CIT: variants seen among roughly 807,000 people sequenced by gnomAD.
The protein encoded by CIT is citron Rho-interacting kinase.
CIT carries 79 observed loss-of-function variants against 272.7 expected under a neutral mutation model. The ratio of observed to expected loss-of-function variants is 0.29; its 90% CI spans 0.24 to 0.35. The LOEUF is 0.35. CIT is among the 10% of genes least tolerant of loss of function. CIT has a pLI of 1.00. For synonymous variants in CIT, 948 were observed against 995.6 expected (o/e 0.95, Z 0.90); for missense variants, 1,909 against 2,618.3 (o/e 0.73, Z 5.91).
intron 18 of CIT, 93 bp from the exon 19 acceptor site, chr12:119,767,275 G>A (rs1046767570): frequency 1.1e-6 from 1 of 941,162 alleles, no homozygotes; most frequent in African/African-American, 1.6e-5. Flanking sequence ...TTTGGTACAG[G>A]TACCACAGGT....
intron 9 of CIT, among the ~76,000 whole-genome samples, chr12:119,809,509 T>A (rs1966781304): frequency 6.6e-6 from 1 of 152,204 alleles, no homozygotes; most frequent in African/African-American, 2.4e-5. Flanking sequence ...CTTGTTACAA[T>A]CTTTTGTTAT....
At chr12:119,733,589 C>G (rs1214471682) in intron 26 of CIT, among the ~76,000 whole-genome samples, 2 of 151,416 alleles carry the variant, frequency 1.3e-5, no homozygotes, top group Non-Finnish European at 2.9e-5. Flanking sequence ...TGGTTCTCAA[C>G]TGGGGACAAT....
chr12:119,862,677 G>A (rs1251365665), intron 3 of CIT, among the ~76,000 whole-genome samples: 1 of 151,124 alleles, frequency 6.6e-6, no homozygotes, highest in Non-Finnish European at 1.5e-5. Context: ...AGGCGTGGTG[G>A]CAGGCACCTA....
In CIT at chr12:119,804,451, T is replaced by G; in HGVS notation, c.1112-1062A>C. 1 of 985,966 alleles carries G rather than the reference T, an allele frequency of 1.0e-6. No homozygotes were observed. The highest frequency in any genetic ancestry group is 1.2e-6 in the Non-Finnish European group (1 of 830,350). 61.1% of individuals were successfully genotyped at this position (985,966 alleles called of 1,614,324 possible). A position where few individuals can be genotyped will look rare whatever the true frequency, so the allele number is the denominator to read the frequency against. The stretch of plus-strand genomic sequence containing the variant: ...TGCGTGCTCTGGCTGGAACCCCACC[T>G]GGCTGCCGCCTGCCTGCCAGGGGCC... On this transcript the variant is annotated intron_variant, in intron 9 of 47. Coordinates refer to ENST00000392521, the MANE Select transcript of CIT (RefSeq NM_001206999.2). This position sits in a 1 kb window ranked among gnomAD's most constrained non-coding sequence, Gnocchi z 5.3.
In CIT at chr12:119,690,243, T is replaced by C; in HGVS notation, c.6094A>G (p.Arg2032Gly). Residue 2032 changes from arginine to glycine, a missense_variant, in exon 47 of 48, where the codon AGA becomes GGA. Around this residue, in one of 8 missense-constraint regions of CIT, gnomAD observed 780 missense variants for 1,067.2 expected, o/e 0.73. Coordinates refer to ENST00000392521, the MANE Select transcript of CIT (RefSeq NM_001206999.2). This position sits in a 1 kb window ranked among gnomAD's most constrained non-coding sequence, Gnocchi z 6.0. ...KSPGRMLSTR[R>G]ERSPGRLFED... ...AACAGCCTCCCGGGGGACCGCTCTC[T>C]CCGCGTGCTGAGCATCCGGCCGGGG... The C allele has an allele frequency of 5.1e-6, 8 of 1,563,436 alleles. No individual in the cohort carries two copies. Among genetic ancestry groups the C allele is most frequent in the Non-Finnish European group, 6.9e-6 (8 of 1,165,798 alleles).
At chr12:119,854,950 CTAAATAAA>C (rs58538833) in intron 4 of CIT, among the ~76,000 whole-genome samples, 1 of 151,706 alleles carries the variant, frequency 6.6e-6, no homozygotes, top group African/African-American at 2.4e-5. Flanking sequence ...GACTCATTCT[CTAAATAAA>C]TAAATAAATA....
At position 119,717,834 on chromosome 12, in the gene CIT, C is replaced by CTTTTTTTTTTTTTTT. The variant is rs546520444; in HGVS notation, c.4168+410_4168+411insAAAAAAAAAAAAAAA. On this transcript the variant is annotated intron_variant, in intron 32 of 47. Coordinates refer to ENST00000392521, the MANE Select transcript of CIT (RefSeq NM_001206999.2). ...GGATGGGGAGCCAGGAGACTGACTT[C>CTTTTTTTTTTTTTTT]TTTCTTTTTTTTTTTTTTTTTTTTG... is the stretch of plus-strand genomic sequence containing the variant. Among the ~76,000 whole-genome samples the CTTTTTTTTTTTTTTT allele has an allele frequency of 2.4e-3, 169 of 70,182 alleles. 5 individuals carry two copies. The highest frequency in any genetic ancestry group is 7.8e-3 in the African/African-American group (157 of 20,054). 46.0% of individuals were successfully genotyped at this position (70,182 alleles called of 152,430 possible). A position where few individuals can be genotyped will look rare whatever the true frequency, so the allele number is the denominator to read the frequency against.
chr12:119,850,740 G>A (rs1010203464), intron 4 of CIT, among the ~76,000 whole-genome samples: 2 of 152,036 alleles, frequency 1.3e-5, no homozygotes, highest in African/African-American at 2.4e-5. Flanking sequence ...AAGCATCCAC[G>A]CTAGTTATGA....
At chr12:119,747,867 T>C (rs1565982143) in intron 23 of CIT, among the ~76,000 whole-genome samples, 1 of 152,120 alleles carries the variant, frequency 6.6e-6, no homozygotes, top group African/African-American at 2.4e-5. Context: ...AGTATTGTTA[T>C]GAAAACAGTC....
At position 119,712,666 on chromosome 12, in the gene CIT, G is replaced by C; in HGVS notation, c.4609C>G (p.Leu1537Val). 6.2e-7 allele frequency: 1 copy of C among 1,614,158 alleles called. No individual in the cohort carries two copies. Among genetic ancestry groups the C allele is most frequent in the Non-Finnish European group, 8.5e-7 (1 of 1,180,016 alleles). Residue 1537 changes from leucine to valine, a missense_variant, in exon 36 of 48, where the codon CTG becomes GTG. This residue lies in a region of CIT where 780 missense variants were observed against 1,067.2 expected (regional missense o/e 0.73). Transcript: ENST00000392521. This position sits in a 1 kb window ranked among gnomAD's most constrained non-coding sequence, Gnocchi z 5.2. ...GATACATCCCCGTCGGGAAGGCACA[G>C]CTCAAATTCTTCCACCGGCCTCTGT... ...AGQRPVEEFE[L>V]CLPDGDVSIH...
chr12:119,690,256 C>T lies in CIT; in HGVS notation c.6081G>A (p.Met2027Ile). 1 of 1,569,574 alleles carries T rather than the reference C, an allele frequency of 6.4e-7. No homozygotes were observed. The highest frequency in any genetic ancestry group is 1.1e-5 in the South Asian group (1 of 87,140). Residue 2027 changes from methionine to isoleucine, a missense_variant, in exon 47 of 48, where the codon ATG becomes ATA. Coordinates refer to ENST00000392521, the MANE Select transcript of CIT (RefSeq NM_001206999.2). The surrounding 1 kb of genome is among the most constrained non-coding windows in gnomAD (Gnocchi z 6.0). ...GGGACCGCTCTCTCCGCGTGCTGAG[C>T]ATCCGGCCGGGGGACTTCTCTCGCT... is the stretch of plus-strand genomic sequence containing the variant. ...PLEREKSPGRMLSTRRERSPG... is the reference protein window; with the variant it reads ...PLEREKSPGRILSTRRERSPG...
At chr12:119,725,613 A>C (rs997705095) in intron 28 of CIT, among the ~76,000 whole-genome samples, 4 of 152,120 alleles carry the variant, frequency 2.6e-5, no homozygotes, top group Non-Finnish European at 5.9e-5. Flanking sequence ...CCTCCGGCTC[A>C]ATGTCAGCCA....
intron 28 of CIT, among the ~76,000 whole-genome samples, chr12:119,723,303 T>C (rs1177520410): frequency 6.6e-6 from 1 of 151,916 alleles, no homozygotes; most frequent in African/African-American, 2.4e-5. Context: ...CGAGAATCTG[T>C]TTGGTGACAG....
At chr12:119,700,856 G>A (rs764880186) in intron 43 of CIT, 31 bp from the exon 44 acceptor site, 5 of 1,568,906 alleles carry the variant, frequency 3.2e-6, no homozygotes, top group Non-Finnish European at 4.4e-6. Flanking sequence ...GTGGGCATTA[G>A]CACAGCCAAG....
At chr12:119,737,916 C>T (rs1958864215) in intron 24 of CIT, among the ~76,000 whole-genome samples, 1 of 152,204 alleles carries the variant, frequency 6.6e-6, no homozygotes, top group Admixed American at 6.5e-5. Flanking sequence ...CACCCACACA[C>T]ACACACATAC....
chr12:119,801,685 C>G (rs1227301545), intron 10 of CIT, among the ~76,000 whole-genome samples: 1 of 152,210 alleles, frequency 6.6e-6, no homozygotes, highest in Non-Finnish European at 1.5e-5. Flanking sequence ...CAACATCAGG[C>G]CTCCGCTTCT....
intron 10 of CIT, among the ~76,000 whole-genome samples, chr12:119,801,935 C>T (rs1966239524): frequency 6.6e-6 from 1 of 152,170 alleles, no homozygotes; most frequent in African/African-American, 2.4e-5. Flanking sequence ...CATCTTGCAA[C>T]ATAAAAACCT....
chr12:119,689,164 G>C (rs1565886687), intron 47 of CIT, among the ~76,000 whole-genome samples: 1 of 148,392 alleles, frequency 6.7e-6, no homozygotes, highest in Non-Finnish European at 1.5e-5. Flanking sequence ...GGGCAACATA[G>C]TAAGACCCTG....
chr12:119,727,415 C>T (rs958094210), intron 28 of CIT, among the ~76,000 whole-genome samples: 5 of 152,074 alleles, frequency 3.3e-5, no homozygotes, highest in African/African-American at 9.7e-5. Context: ...AGTATGAAGG[C>T]ATACAAGTGG....
Sources: allele counts gnomAD v4.1 joint callset (sites outside exome capture counted in the v4.1 genomes callset), GRCh38; gene constraint gnomAD v4.1.1; regional missense constraint gnomAD v4.1.1; non-coding constraint Gnocchi (gnomAD v3.1); transcripts MANE v1.5; gene names NCBI Gene and HGNC (gene_info 2026-07-23, HGNC 2026-07-21).